The following FBXL17 variants were observed in gnomAD, a reference collection of about 807,000 sequenced individuals.
FBXL17 encodes F-box and leucine rich repeat protein 17.
FBXL17 carries 22 observed loss-of-function variants against 66.2 expected under a neutral mutation model. That is an observed-to-expected ratio of 0.33 (90% CI 0.24 to 0.47). FBXL17 has a LOEUF of 0.47. Among genes scored for constraint, FBXL17 ranks in the 20% least tolerant of loss-of-function variants. The pLI is 1.00. For missense variants in FBXL17, 878 were observed against 948.2 expected (o/e 0.93, Z 0.97); for synonymous variants, 474 against 400.5 (o/e 1.18, Z -2.19).
At chr5:108,071,642 C>T (rs1215465867) in intron 6 of FBXL17, among the ~76,000 whole-genome samples, 1 of 151,518 alleles carries the variant, frequency 6.6e-6, no homozygotes, top group African/African-American at 2.4e-5. Context: ...CTCTTAGTCT[C>T]TTTCTCTGTT....
rs558992777 is a variant in FBXL17 at position 108,081,633 on chromosome 5, G to A, written c.1746-60632C>T. 1.7e-3 allele frequency among the ~76,000 whole-genome samples: 266 copies of A among 152,246 alleles called. 3 individuals carry two copies. The highest frequency in any genetic ancestry group is 0.013 in the South Asian group (65 of 4,816). ...AGCTACTCGGGAGGCTGAGGCAGGAGAATGGCGTGAACCCGGGAGGCGGAG... is the reference window on the plus strand; with the variant it reads ...AGCTACTCGGGAGGCTGAGGCAGGAAAATGGCGTGAACCCGGGAGGCGGAG... On this transcript the variant is annotated intron_variant, in intron 6 of 8. Transcript: ENST00000542267.
chr5:107,891,813 T>C (rs1317989638), intron 7 of FBXL17, among the ~76,000 whole-genome samples: 2 of 152,196 alleles, frequency 1.3e-5, no homozygotes, highest in African/African-American at 2.4e-5. Flanking sequence ...AAGACCACTC[T>C]TATTAATCTT....
intron 6 of FBXL17, among the ~76,000 whole-genome samples, chr5:108,078,546 C>T (rs1350888771): frequency 2.0e-5 from 3 of 152,280 alleles, no homozygotes; most frequent in Admixed American, 6.5e-5. Context: ...TTGATGCCAG[C>T]GGGCCTTCTC....
chr5:107,897,760 A>T (rs1749430225), intron 7 of FBXL17, among the ~76,000 whole-genome samples: 1 of 152,034 alleles, frequency 6.6e-6, no homozygotes, highest in Admixed American at 6.6e-5. Context: ...TGGAAGCATG[A>T]CACCATTGAA....
chr5:107,862,230 G>C (rs994923102), intron 8 of FBXL17, among the ~76,000 whole-genome samples: 1 of 151,866 alleles, frequency 6.6e-6, no homozygotes, highest in Non-Finnish European at 1.5e-5. Flanking sequence ...CAACCCGACA[G>C]CCTTTTTAGG....
At chr5:108,365,085 A>C in intron 2 of FBXL17, 90 bp from the exon 3 acceptor site, 1 of 870,058 alleles carries the variant, frequency 1.1e-6, no homozygotes, top group Non-Finnish European at 1.7e-6. Flanking sequence ...AATAAACAAT[A>C]TACTAATTAG....
At chr5:108,170,376 C>G (rs1479581636) in intron 6 of FBXL17, among the ~76,000 whole-genome samples, 3 of 152,164 alleles carry the variant, frequency 2.0e-5, no homozygotes, top group Admixed American at 6.5e-5. Flanking sequence ...ATGTCAGAAT[C>G]ACCAACTAAT....
intron 4 of FBXL17, among the ~76,000 whole-genome samples, chr5:108,278,897 CT>C (rs561362856): frequency 6.6e-6 from 1 of 152,212 alleles, no homozygotes; most frequent in Non-Finnish European, 1.5e-5. Flanking sequence ...GCCCAACCTC[CT>C]TTGACAAGAC....
intron 1 of FBXL17, among the ~76,000 whole-genome samples, chr5:108,379,510 G>C (rs867714476): frequency 1.1e-4 from 16 of 152,084 alleles, no homozygotes; most frequent in African/African-American, 2.7e-4. Flanking sequence ...TAATATCACT[G>C]TAAAACAGAC....
chr5:108,260,035 A>C (rs1373236610), intron 4 of FBXL17, among the ~76,000 whole-genome samples: 1 of 129,816 alleles, frequency 7.7e-6, no homozygotes, highest in Non-Finnish European at 1.5e-5. Context: ...AAAAAAAAAC[A>C]AAAAAAAAAC....
chr5:108,092,427 G>T (rs1749221085), intron 6 of FBXL17, among the ~76,000 whole-genome samples: 1 of 151,972 alleles, frequency 6.6e-6, no homozygotes, highest in Non-Finnish European at 1.5e-5. Flanking sequence ...CTCCCGAGTA[G>T]GAACTATGGT....
chr5:107,867,308 T>G (rs938458709), intron 8 of FBXL17, among the ~76,000 whole-genome samples: 1 of 152,244 alleles, frequency 6.6e-6, no homozygotes, highest in Non-Finnish European at 1.5e-5. Flanking sequence ...CAGCTCATGA[T>G]GGTAGTTTAA....
intron 7 of FBXL17, among the ~76,000 whole-genome samples, chr5:108,015,405 T>G (rs566271219): frequency 2.0e-5 from 3 of 152,282 alleles, no homozygotes; most frequent in Admixed American, 6.5e-5. Context: ...TTACAACTAT[T>G]AGAGTTATTC....
chr5:108,378,470 C>T (rs1438391255), intron 1 of FBXL17, among the ~76,000 whole-genome samples: 1 of 151,006 alleles, frequency 6.6e-6, no homozygotes. Flanking sequence ...GAATGTTTTC[C>T]AATAGTGATG....
intron 7 of FBXL17, among the ~76,000 whole-genome samples, chr5:108,004,958 G>A (rs1350711842): frequency 6.6e-6 from 1 of 152,044 alleles, no homozygotes; most frequent in African/African-American, 2.4e-5. Context: ...AGAAATACTT[G>A]TTTTAAAAGA....
At chr5:108,194,018 G>C (rs1022539231) in intron 5 of FBXL17, among the ~76,000 whole-genome samples, 5 of 152,024 alleles carry the variant, frequency 3.3e-5, no homozygotes, top group African/African-American at 7.2e-5. Context: ...TCACTAGCCA[G>C]ATTAATCTTC....
At chr5:107,878,917 G>A (rs1476940620) in intron 8 of FBXL17, 2 of 985,366 alleles carry the variant, frequency 2.0e-6, no homozygotes, top group African/African-American at 3.5e-5. Context: ...GGAGCCAATG[G>A]GTTCTCAGAG....
chr5:108,015,997 C>A (rs1004883969), intron 7 of FBXL17, among the ~76,000 whole-genome samples: 2 of 152,148 alleles, frequency 1.3e-5, no homozygotes, highest in Non-Finnish European at 2.9e-5. Context: ...AGAAACTAAA[C>A]ATCTGTATGT....
chr5:108,048,266 C>A (rs1747333315), intron 6 of FBXL17, among the ~76,000 whole-genome samples: 1 of 152,124 alleles, frequency 6.6e-6, no homozygotes, highest in South Asian at 2.1e-4. Context: ...ACAGCATCAA[C>A]AACAACAACA....
Sources: allele counts gnomAD v4.1 joint callset (sites outside exome capture counted in the v4.1 genomes callset), GRCh38; gene constraint gnomAD v4.1.1; transcripts MANE v1.5; gene names NCBI Gene and HGNC (gene_info 2026-07-23, HGNC 2026-07-21).